The following WDFY2 variants were observed in gnomAD, a reference collection of about 807,000 sequenced individuals.
WDFY2 encodes WD repeat and FYVE domain-containing protein 2.
A neutral mutation model predicts 56.4 loss-of-function variants in WDFY2; 36 were observed. The ratio of observed to expected loss-of-function variants is 0.64; its 90% confidence interval spans 0.49 to 0.84. The LOEUF (loss-of-function observed/expected upper bound fraction) is 0.84, where lower values mean the gene tolerates loss of function less well. Ranked by LOEUF, WDFY2 falls within the 40% of genes least tolerant of loss-of-function variation. WDFY2 has a pLI of 0.00. For synonymous variants in WDFY2, 176 were observed against 183.7 expected (o/e 0.96, Z 0.34); for missense variants, 444 against 512.2 (o/e 0.87, Z 1.29).
chr13:51,652,698 A>G (rs1454875618), intron 1 of WDFY2, among the ~76,000 whole-genome samples: 1 of 152,178 alleles, frequency 6.6e-6, no homozygotes, highest in Admixed American at 6.5e-5. Flanking sequence ...TTCTGGGTTG[A>G]AAATTCTTTT....
rs1367112473 is a variant in WDFY2, at chr13:51,592,214, ATT to A, written c.137+7393_137+7394del. 8 of 152,302 alleles carry A rather than the reference ATT, an allele frequency of 5.3e-5. No individual in the cohort carries two copies. The East Asian group carries it at 1.5e-3, about 29-fold the overall frequency. The allele number at this position is 152,302 out of a possible 1,614,324, so 9.4% of individuals were successfully genotyped here. Reference sequence around the variant, plus strand: ...CATTTGCTATTGTTTGAGTGGCTGCATTTTAACTTCCTGTCCTATGTTAATTT... The same window carrying A: ...CATTTGCTATTGTTTGAGTGGCTGCATTAACTTCCTGTCCTATGTTAATTT... On this transcript the variant is annotated intron_variant, in intron 1 of 11. Transcript: ENST00000298125.
intron 6 of WDFY2, among the ~76,000 whole-genome samples, chr13:51,735,391 CTG>C (rs1012492713): frequency 1.3e-5 from 2 of 152,134 alleles, no homozygotes; most frequent in African/African-American, 4.8e-5. Flanking sequence ...ATAGTGGGGT[CTG>C]TGTAGCAATA....
intron 1 of WDFY2, among the ~76,000 whole-genome samples, chr13:51,621,724 T>G (rs1211197164): frequency 2.0e-5 from 3 of 152,158 alleles, no homozygotes; most frequent in Non-Finnish European, 4.4e-5. Context: ...GATTCGTCCT[T>G]TTGGGTTCCC....
intron 1 of WDFY2, among the ~76,000 whole-genome samples, chr13:51,648,666 A>G (rs1433458911): frequency 6.6e-6 from 1 of 152,166 alleles, no homozygotes; most frequent in Non-Finnish European, 1.5e-5. Context: ...ACAGCAGACT[A>G]CCATGGCACA....
intron 3 of WDFY2, among the ~76,000 whole-genome samples, chr13:51,679,782 A>G (rs905777091): frequency 6.6e-6 from 1 of 152,086 alleles, no homozygotes; most frequent in Admixed American, 6.6e-5. Context: ...GCTGTAGAAC[A>G]TTCCTCCTTG....
chr13:51,594,823 C>T (rs1008347936), intron 1 of WDFY2, among the ~76,000 whole-genome samples: 2 of 151,966 alleles, frequency 1.3e-5, no homozygotes, highest in Admixed American at 6.5e-5. Context: ...GCAGCACCTG[C>T]AGCACTTGGA....
intron 5 of WDFY2, among the ~76,000 whole-genome samples, chr13:51,721,354 C>G (rs554427934): frequency 2.1e-4 from 32 of 152,212 alleles, no homozygotes; most frequent in African/African-American, 7.2e-4. Context: ...GTTTCTGTAT[C>G]ACTTAGCCAA....
chr13:51,742,325 A>G (rs1244702433), intron 7 of WDFY2, among the ~76,000 whole-genome samples: 1 of 152,232 alleles, frequency 6.6e-6, no homozygotes, highest in African/African-American at 2.4e-5. Context: ...AAAAAAAGCT[A>G]AGAAAGTATT....
At chr13:51,724,910 T>C (rs1483517824) in intron 5 of WDFY2, among the ~76,000 whole-genome samples, 2 of 152,216 alleles carry the variant, frequency 1.3e-5, no homozygotes, top group Non-Finnish European at 2.9e-5. Flanking sequence ...TAGCCTTCAG[T>C]AGCTTCCTTG....
In WDFY2 at chr13:51,762,770, C is replaced by T. The variant is rs1158578486; in HGVS notation, c.*3001C>T. ...TTTGCTCTATTACTTAAACATATAG[C>T]AGCTTTTACAAATAATGCCTAACAT... is the stretch of plus-strand genomic sequence containing the variant. On this transcript the variant is annotated 3_prime_UTR_variant, in exon 12 of 12. Transcript: ENST00000298125. 6.6e-6 allele frequency: 1 copy of T among 152,204 alleles called. No homozygotes were observed. Among genetic ancestry groups the T allele is most frequent in the Non-Finnish European group, 1.5e-5 (1 of 68,040 alleles). The allele number at this position is 152,204 out of a possible 1,614,324, so 9.4% of individuals were successfully genotyped here.
At chr13:51,639,821 C>G (rs746723315) in intron 1 of WDFY2, among the ~76,000 whole-genome samples, 1 of 152,190 alleles carries the variant, frequency 6.6e-6, no homozygotes, top group Non-Finnish European at 1.5e-5. Flanking sequence ...GCATTTTCAT[C>G]TACTCTGCTA....
chr13:51,743,683 A>G (rs960588613), intron 7 of WDFY2, among the ~76,000 whole-genome samples: 5 of 152,158 alleles, frequency 3.3e-5, no homozygotes, highest in African/African-American at 4.8e-5. Flanking sequence ...GGTACTCAGG[A>G]CACAAAAGTG....
chr13:51,658,970 A>G (rs1043474042), intron 1 of WDFY2, among the ~76,000 whole-genome samples: 1 of 152,116 alleles, frequency 6.6e-6, no homozygotes, highest in South Asian at 2.1e-4. Flanking sequence ...TCTGTCGCCC[A>G]GGCAGGAGTG....
chr13:51,651,940 A>G (rs1955397018), intron 1 of WDFY2, among the ~76,000 whole-genome samples: 1 of 152,152 alleles, frequency 6.6e-6, no homozygotes, highest in South Asian at 2.1e-4. Flanking sequence ...GCTGAGTTCA[A>G]TTCCTGGATA....
chr13:51,757,237 C>G (rs74086265), intron 10 of WDFY2, among the ~76,000 whole-genome samples: 1 of 152,252 alleles, frequency 6.6e-6, no homozygotes, highest in African/African-American at 2.4e-5. Context: ...TGATTATTTT[C>G]TACTCATCAT....
chr13:51,689,483 C>G (rs1212385799), intron 3 of WDFY2, among the ~76,000 whole-genome samples: 4 of 152,170 alleles, frequency 2.6e-5, no homozygotes, highest in Admixed American at 2.6e-4. Context: ...TGTGGTTGCA[C>G]AAACCCCAGT....
In WDFY2 at chr13:51,584,780, G is replaced by C; in HGVS notation, c.93G>C (p.Val31=). The part of the protein sequence containing the change: ...EGSQEVVNMA[V]IVPKEEGVIS... ...CCCAGGAGGTGGTGAATATGGCCGT[G>C]ATCGTGCCCAAAGAGGAGGGCGTCA... The change falls in exon 1 of 12, where the codon GTG becomes GTC. Residue 31 remains valine, a synonymous_variant. Coordinates refer to ENST00000298125, the MANE Select transcript of WDFY2 (RefSeq NM_052950.4). 6.2e-7 allele frequency: 1 copy of C among 1,613,970 alleles called. No individual in the cohort carries two copies.
At chr13:51,617,979 C>T (rs961672507) in intron 1 of WDFY2, among the ~76,000 whole-genome samples, 5 of 152,192 alleles carry the variant, frequency 3.3e-5, no homozygotes, top group Admixed American at 2.6e-4. Context: ...TATTCAGCAG[C>T]CTTGGTCTAA....
intron 1 of WDFY2, among the ~76,000 whole-genome samples, chr13:51,628,303 C>G (rs1478147749): frequency 6.6e-6 from 1 of 152,248 alleles, no homozygotes; most frequent in Non-Finnish European, 1.5e-5. Flanking sequence ...CAGTGCTGCC[C>G]CATGTGCATG....
Sources: gnomAD v4.1 joint callset for allele counts (sites outside exome capture counted in the v4.1 genomes callset) on GRCh38, gnomAD v4.1.1 for gene constraint, MANE v1.5 for transcripts, NCBI Gene and HGNC (gene_info 2026-07-23, HGNC 2026-07-21) for gene names.